The following NBEAL1 variants were observed in gnomAD, a reference collection of about 807,000 sequenced individuals.
NBEAL1 encodes neurobeachin like 1.
In NBEAL1, 273 loss-of-function variants were observed where a neutral mutation model predicts 351.3. The ratio of observed to expected loss-of-function variants is 0.78; its 90% CI spans 0.70 to 0.86. The LOEUF is 0.86. Ranked by LOEUF, NBEAL1 falls within the 40% of genes least tolerant of loss-of-function variation. The pLI, the probability that NBEAL1 is intolerant of heterozygous loss-of-function variation, is 0.00. For synonymous variants in NBEAL1, 1,050 were observed against 1,086.4 expected, an observed-to-expected ratio of 0.97 and a Z score of 0.66; for missense variants, 2,961 against 3,201.3, an observed-to-expected ratio of 0.92 and a Z score of 1.81.
chr2:203,110,359 A>G, intron 15 of NBEAL1, 77 bp downstream of exon 15: 1 of 1,463,240 alleles, frequency 6.8e-7, no homozygotes, highest in South Asian at 1.3e-5. Context: ...ATTCAACAGC[A>G]GTCATTTTTT....
intron 43 of NBEAL1, 105 bp downstream of exon 43, chr2:203,180,617 C>T: frequency 6.6e-6 from 7 of 1,062,990 alleles, no homozygotes; most frequent in Non-Finnish European, 9.1e-6. Flanking sequence ...ATTTAAGATT[C>T]ATTCTGTCTG....
At chr2:203,212,799 G>A in intron 54 of NBEAL1, among the ~76,000 whole-genome samples, 1 of 152,096 alleles carries the variant, frequency 6.6e-6, no homozygotes, top group East Asian at 1.9e-4. Context: ...GACATGACAA[G>A]ACAGGGAGGG....
At chr2:203,201,249 T>C (rs1298121629) in intron 49 of NBEAL1, among the ~76,000 whole-genome samples, 4 of 152,240 alleles carry the variant, frequency 2.6e-5, no homozygotes, top group African/African-American at 9.6e-5. Flanking sequence ...TTTACAAAAT[T>C]GCCAATTTTA....
At chr2:203,203,428 G>A (rs2065458402) in intron 51 of NBEAL1, among the ~76,000 whole-genome samples, 2 of 152,058 alleles carry the variant, frequency 1.3e-5, no homozygotes, top group Non-Finnish European at 2.9e-5. Context: ...ACCTGCCTTG[G>A]CCTCCCAAAG....
chr2:203,152,841 C>T (rs1428321539), intron 35 of NBEAL1, among the ~76,000 whole-genome samples: 1 of 151,374 alleles, frequency 6.6e-6, no homozygotes, highest in South Asian at 2.1e-4. Context: ...CTCGAGACCT[C>T]GAGCTGGCCA....
chr2:203,016,428 G>A lies in NBEAL1; in HGVS notation c.44G>A (p.Cys15Tyr). 3 of 1,465,058 alleles carry A rather than the reference G, an allele frequency of 2.0e-6. No homozygotes were observed. Among genetic ancestry groups the A allele is most frequent in the Non-Finnish European group, 2.8e-6 (3 of 1,088,778 alleles). 90.8% of individuals were successfully genotyped at this position (1,465,058 alleles called of 1,614,324 possible). A position where few individuals can be genotyped will look rare whatever the true frequency, so the allele number is the denominator to read the frequency against. The change falls in exon 2 of 56, where the codon TGT becomes TAT. Residue 15 changes from cysteine (C) to tyrosine (Y), a missense_variant. Coordinates refer to ENST00000683969, the MANE Select transcript of NBEAL1 (RefSeq NM_001378026.1). ...ERLFELWMLY[C>Y]TKKDPDYLKL... ...CTCTTTGAACTTTGGATGCTTTATT[G>A]TACAAAGGTAATTGCTTTCCTTTTT...
intron 52 of NBEAL1, 127 bp downstream of exon 52, chr2:203,208,880 C>A: frequency 1.4e-6 from 1 of 697,228 alleles, no homozygotes; most frequent in Non-Finnish European, 2.3e-6. Context: ...TTGTATAGGA[C>A]TTTGCAAAAG....
chr2:203,016,293 C>A lies in NBEAL1; in HGVS notation c.-92C>A. On this transcript the variant is annotated 5_prime_UTR_variant, in exon 2 of 56. Transcript: ENST00000683969. ...CTTTACTGCTATGAGCTTTACTGAA[C>A]GGCTGAAAAACTTGGAAAATAAAAT... 3 of 866,906 alleles carry A rather than the reference C, an allele frequency of 3.5e-6. No homozygotes were observed. The highest frequency in any genetic ancestry group is 3.5e-6 in the Non-Finnish European group (2 of 579,432). The allele number at this position is 866,906 out of a possible 1,614,324, so 53.7% of individuals were successfully genotyped here. A position where few individuals can be genotyped will look rare whatever the true frequency, so the allele number is the denominator to read the frequency against.
chr2:203,187,744 C>CAA (rs71034226), intron 44 of NBEAL1, among the ~76,000 whole-genome samples: 30 of 143,028 alleles, frequency 2.1e-4, no homozygotes, highest in East Asian at 4.1e-4. Context: ...GACTTCGTCC[C>CAA]AAAAAAAAAA....
intron 3 of NBEAL1, among the ~76,000 whole-genome samples, chr2:203,047,472 T>C (rs1485515722): frequency 1.3e-5 from 2 of 152,208 alleles, no homozygotes; most frequent in Non-Finnish European, 2.9e-5. Flanking sequence ...GTTGGCCCCT[T>C]CAGTTGTGTT....
intron 6 of NBEAL1, among the ~76,000 whole-genome samples, chr2:203,057,677 A>G (rs1322410784): frequency 6.6e-6 from 1 of 152,186 alleles, no homozygotes; most frequent in Admixed American, 6.5e-5. Context: ...GCAATTTTGA[A>G]TACTAATAAT....
At chr2:203,068,121 A>T (rs2061623681) in intron 6 of NBEAL1, among the ~76,000 whole-genome samples, 3 of 152,204 alleles carry the variant, frequency 2.0e-5, no homozygotes, top group Admixed American at 2.0e-4. Context: ...ACAGATTGGA[A>T]ATTTTAAGGT....
chr2:203,200,984 A>T (rs1266480947), intron 49 of NBEAL1, among the ~76,000 whole-genome samples: 1 of 152,210 alleles, frequency 6.6e-6, no homozygotes, highest in Non-Finnish European at 1.5e-5. Context: ...ATACACACTG[A>T]GTTGCAATCA....
At chr2:203,016,969 G>A (rs1231267383) in intron 2 of NBEAL1, among the ~76,000 whole-genome samples, 1 of 152,084 alleles carries the variant, frequency 6.6e-6, no homozygotes, top group Non-Finnish European at 1.5e-5. Flanking sequence ...TTACTGATGG[G>A]AAAACTGATG....
At chr2:203,036,698 C>T (rs2061045143) in intron 2 of NBEAL1, among the ~76,000 whole-genome samples, 1 of 149,170 alleles carries the variant, frequency 6.7e-6, no homozygotes, top group South Asian at 2.1e-4. Flanking sequence ...GAAACACCTC[C>T]AAATTTAAGT....
At chr2:203,060,542 G>C (rs1017822075) in intron 6 of NBEAL1, among the ~76,000 whole-genome samples, 3 of 152,040 alleles carry the variant, frequency 2.0e-5, no homozygotes, top group Non-Finnish European at 4.4e-5. Context: ...TTCACCCAGA[G>C]ATCCAACACA....
intron 33 of NBEAL1, among the ~76,000 whole-genome samples, chr2:203,147,464 C>T (rs767398349): frequency 4.1e-4 from 62 of 151,956 alleles, no homozygotes; most frequent in Non-Finnish European, 7.1e-4. Flanking sequence ...AAAATATATA[C>T]AGCATCTGCT....
intron 55 of NBEAL1, 48 bp from the exon 56 acceptor site, chr2:203,217,205 A>AT (rs781056199): frequency 3.0e-5 from 42 of 1,380,388 alleles, no homozygotes; most frequent in Non-Finnish European, 4.0e-5. Flanking sequence ...CTTTTTTTTA[A>AT]TTTTTTCTTA....
intron 12 of NBEAL1, among the ~76,000 whole-genome samples, chr2:203,101,138 A>G (rs1281239168): frequency 6.6e-6 from 1 of 151,774 alleles, no homozygotes; most frequent in Non-Finnish European, 1.5e-5. Flanking sequence ...GCCAGGTCCT[A>G]TTTTACATTT....
Sources: allele counts gnomAD v4.1 joint callset (sites outside exome capture counted in the v4.1 genomes callset), GRCh38; gene constraint gnomAD v4.1.1; transcripts MANE v1.5; gene names NCBI Gene and HGNC (gene_info 2026-07-23, HGNC 2026-07-21).